The following MTA3 variants were observed in gnomAD, a reference collection of about 807,000 sequenced individuals.
MTA3 encodes metastasis associated 1 family member 3.
MTA3 carries 34 observed loss-of-function variants against 83.5 expected under a neutral mutation model. That is an observed-to-expected ratio of 0.41 (90% CI 0.31 to 0.54). The LOEUF is 0.54. Ranked by LOEUF, MTA3 falls within the 20% of genes least tolerant of loss-of-function variation. MTA3 has a pLI of 0.33. For missense variants in MTA3, 761 were observed against 726.4 expected (o/e 1.05, Z -0.55); for synonymous variants, 303 against 252.7 (o/e 1.20, Z -1.89).
At position 42,593,534 on chromosome 2, in the gene MTA3, G is replaced by A. The variant is rs796123360; in HGVS notation, c.190+14334G>A. On this transcript the variant is annotated intron_variant, in intron 3 of 16. Transcript: ENST00000405094. ...TAATGCTTTGTGCCATGATATTACC[G>A]CTATAGTGTCACTGGGCAGTTGGAG... Among the ~76,000 whole-genome samples the A allele has an allele frequency of 3.3e-5, 5 of 152,116 alleles. No homozygotes were observed. The South Asian group carries it at 6.2e-4, about 19-fold the overall frequency.
intron 3 of MTA3, among the ~76,000 whole-genome samples, chr2:42,593,274 G>A (rs1308893976): frequency 1.3e-5 from 2 of 151,800 alleles, no homozygotes; most frequent in African/African-American, 4.8e-5. Flanking sequence ...ATCACTTGAG[G>A]TTAGGACATT....
At chr2:42,620,437 C>T (rs1219961618) in intron 4 of MTA3, among the ~76,000 whole-genome samples, 1 of 152,158 alleles carries the variant, frequency 6.6e-6, no homozygotes, top group African/African-American at 2.4e-5. Context: ...CACATCTTGA[C>T]CTGTGAACTC....
chr2:42,665,432 A>G (rs978669355), intron 8 of MTA3, among the ~76,000 whole-genome samples: 20 of 152,294 alleles, frequency 1.3e-4, no homozygotes, highest in South Asian at 1.2e-3. Flanking sequence ...CAGTACTTAC[A>G]TTGATCCTTT....
intron 15 of MTA3, among the ~76,000 whole-genome samples, chr2:42,721,875 A>T (rs1420850665): frequency 1.3e-5 from 2 of 152,064 alleles, no homozygotes; most frequent in African/African-American, 4.8e-5. Context: ...AGGCTGGCAA[A>T]CTTGTCATGT....
At chr2:42,736,977 T>C (rs1668656740) in intron 16 of MTA3, among the ~76,000 whole-genome samples, 1 of 152,190 alleles carries the variant, frequency 6.6e-6, no homozygotes, top group African/African-American at 2.4e-5. Context: ...CCCATCCTAC[T>C]GTGGCTGAGC....
rs3040121 is a variant in MTA3 at position 42,688,614 on chromosome 2, GTT to G, written c.891+6040_891+6041del. On this transcript the variant is annotated intron_variant, in intron 9 of 16. Coordinates refer to ENST00000405094, the MANE Select transcript of MTA3 (RefSeq NM_001330442.2). The stretch of plus-strand genomic sequence containing the variant: ...TTTGTTATGTATTTTGCATTCAAGT[GTT>G]TTTTTTTTTTTTTTGTAACATTCTC... 7.1e-3 allele frequency among the ~76,000 whole-genome samples: 859 copies of G among 121,530 alleles called. 5 individuals carry two copies. The highest frequency in any genetic ancestry group is 0.021 in the African/African-American group (643 of 31,322). The allele number at this position is 121,530 out of a possible 152,430, so 79.7% of individuals were successfully genotyped here. A position where few individuals can be genotyped will look rare whatever the true frequency, so the allele number is the denominator to read the frequency against.
chr2:42,743,153 TG>T (rs1669157668), intron 16 of MTA3, among the ~76,000 whole-genome samples: 1 of 152,192 alleles, frequency 6.6e-6, no homozygotes, highest in African/African-American at 2.4e-5. Flanking sequence ...GAAAGGCAGA[TG>T]GGCTGTACAG....
chr2:42,558,957 A>ACTCCCCTG (rs1677533012), intron 2 of MTA3, among the ~76,000 whole-genome samples: 1 of 151,956 alleles, frequency 6.6e-6, no homozygotes, highest in Non-Finnish European at 1.5e-5. Context: ...TGGAGCAGCT[A>ACTCCCCTG]GAGTAGAGAA....
rs145498526 is a variant in MTA3 at position 42,612,534 on chromosome 2, G to C, written c.317+2950G>C. ...ATGGCCTCCATTTATTTAATTGGAA[G>C]ACACTAGAATATAAAGATTAATTTT... On this transcript the variant is annotated intron_variant, in intron 4 of 16. Transcript: ENST00000405094. 5.9e-5 allele frequency among the ~76,000 whole-genome samples: 9 copies of C among 152,104 alleles called. No individual in the cohort carries two copies. In the East Asian group the frequency reaches 1.8e-3, roughly 30 times the overall value.
intron 2 of MTA3, among the ~76,000 whole-genome samples, chr2:42,571,386 C>CAAAAAAAAAAAAAAAAA (rs34003791): frequency 1.6e-5 from 1 of 63,806 alleles, no homozygotes; most frequent in Non-Finnish European, 2.9e-5. Flanking sequence ...AACACTGTCT[C>CAAAAAAAAAAAAAAAAA]AAAAAAAAAA....
intron 11 of MTA3, among the ~76,000 whole-genome samples, chr2:42,700,197 G>A (rs187943458): frequency 6.6e-6 from 1 of 152,190 alleles, no homozygotes; most frequent in East Asian, 1.9e-4. Flanking sequence ...TTCTCTAGAG[G>A]GCAGGAGGGC....
intron 8 of MTA3, among the ~76,000 whole-genome samples, chr2:42,672,645 C>CAAAAAAA (rs5830734): frequency 9.7e-5 from 5 of 51,566 alleles, no homozygotes; most frequent in Non-Finnish European, 1.6e-4. Context: ...ATTCCATCTC[C>CAAAAAAA]AAAAAAAAAA....
intron 4 of MTA3, among the ~76,000 whole-genome samples, chr2:42,621,207 T>G: frequency 6.8e-6 from 1 of 147,646 alleles, no homozygotes; most frequent in Non-Finnish European, 1.5e-5. Flanking sequence ...CATAGGACAA[T>G]AGTGGAGGGA....
intron 8 of MTA3, among the ~76,000 whole-genome samples, chr2:42,664,574 A>G (rs900062453): frequency 7.0e-6 from 1 of 142,134 alleles, no homozygotes; most frequent in Non-Finnish European, 1.5e-5. Context: ...CCTGGGTTCA[A>G]GTGTTTCTCC....
chr2:42,755,426 G>C lies in MTA3; in HGVS notation c.*2027G>C. On this transcript the variant is annotated 3_prime_UTR_variant, in exon 17 of 17. Coordinates refer to ENST00000405094, the MANE Select transcript of MTA3 (RefSeq NM_001330442.2). ...CCAGGTCTGAAGCAGGAGAAGGGAG[G>C]CCCCTCCTATCTACCCAGTTGACAT... 1 of 985,454 alleles carries C rather than the reference G, an allele frequency of 1.0e-6. No homozygotes were observed. The highest frequency in any genetic ancestry group is 1.2e-6 in the Non-Finnish European group (1 of 829,954). 61.0% of individuals were successfully genotyped at this position (985,454 alleles called of 1,614,324 possible). A position where few individuals can be genotyped will look rare whatever the true frequency, so the allele number is the denominator to read the frequency against.
At chr2:42,605,798 G>A (rs1285859037) in intron 3 of MTA3, among the ~76,000 whole-genome samples, 3 of 121,284 alleles carry the variant, frequency 2.5e-5, no homozygotes, top group Non-Finnish European at 3.5e-5. Flanking sequence ...CCGGGCAGAG[G>A]CGCCCCTCAG....
chr2:42,556,084 CAAACAAACAAAAAAAA>C (rs923367827), intron 2 of MTA3, among the ~76,000 whole-genome samples: 14 of 145,144 alleles, frequency 9.6e-5, no homozygotes, highest in Admixed American at 3.4e-4. Context: ...AAAACAAAAG[CAAACAAACAAAAAAAA>C]AAACAAACAA....
At chr2:42,586,530 G>T (rs1406572874) in intron 3 of MTA3, among the ~76,000 whole-genome samples, 1 of 58,802 alleles carries the variant, frequency 1.7e-5, no homozygotes, top group African/African-American at 6.6e-5. Context: ...ACAAAGGAAG[G>T]AAAAACACAC....
chr2:42,532,589 C>G (rs1265140738), intron 2 of MTA3, among the ~76,000 whole-genome samples: 1 of 152,200 alleles, frequency 6.6e-6, no homozygotes, highest in African/African-American at 2.4e-5. Flanking sequence ...AGCCACCTCA[C>G]ATCTTTCAGC....
Sources: gnomAD v4.1 joint callset for allele counts (sites outside exome capture counted in the v4.1 genomes callset) on GRCh38, gnomAD v4.1.1 for gene constraint, MANE v1.5 for transcripts, NCBI Gene and HGNC (gene_info 2026-07-23, HGNC 2026-07-21) for gene names.